RPTOR: variants seen among roughly 807,000 people sequenced by gnomAD.
RPTOR encodes the protein regulatory-associated protein of mTOR.
RPTOR carries 21 observed loss-of-function variants against 169.9 expected under a neutral mutation model. That is an observed-to-expected ratio of 0.12 (90% CI 0.09 to 0.18). The LOEUF (loss-of-function observed/expected upper bound fraction) is 0.18. RPTOR is among the 10% of genes least tolerant of loss of function. The probability of loss-of-function intolerance (pLI) is 1.00; values close to 1 mark genes in which losing one functional copy is unlikely to be tolerated. For synonymous variants in RPTOR, 732 were observed against 753.2 expected, an observed-to-expected ratio of 0.97 and a Z score of 0.46; for missense variants, 1,133 against 1,855.9, an observed-to-expected ratio of 0.61 and a Z score of 7.16.
intron 1 of RPTOR, among the ~76,000 whole-genome samples, chr17:80,623,604 C>T (rs760304747): frequency 7.2e-5 from 11 of 152,052 alleles, no homozygotes; most frequent in South Asian, 2.1e-4. Flanking sequence ...GGTACCGTCT[C>T]GGCTCACTGC....
At chr17:80,686,187 CT>C (rs3074397) in intron 3 of RPTOR, among the ~76,000 whole-genome samples, 10,671 of 135,740 alleles carry the variant, frequency 0.079, 327 homozygotes, top group African/African-American at 0.094. Flanking sequence ...TTCATAACAA[CT>C]TTTTTTTTTT....
intron 24 of RPTOR, among the ~76,000 whole-genome samples, chr17:80,931,884 G>A (rs988152553): frequency 2.8e-5 from 4 of 141,202 alleles, no homozygotes; most frequent in Admixed American, 2.8e-4. Context: ...GGGCACAGGA[G>A]CATAGAGAGA....
intron 1 of RPTOR, among the ~76,000 whole-genome samples, chr17:80,569,930 C>G (rs928830713): frequency 3.9e-5 from 6 of 152,114 alleles, no homozygotes; most frequent in African/African-American, 1.4e-4. Flanking sequence ...CTTCTCCTGC[C>G]CCTGTGGCTG....
intron 20 of RPTOR, among the ~76,000 whole-genome samples, chr17:80,906,863 G>A (rs775076584): frequency 5.3e-5 from 8 of 152,062 alleles, no homozygotes; most frequent in Non-Finnish European, 1.0e-4. Flanking sequence ...TCCTCATGGG[G>A]GCCTCTTCAG....
In RPTOR at chr17:80,662,260, A is replaced by G. The variant is rs565037937; in HGVS notation, c.348+18450A>G. ...CTATCACCAGAGGCTAGTTTTGCCCATGGAACTGAACGCCCCGATGAGTTC... is the reference window on the plus strand; with the variant it reads ...CTATCACCAGAGGCTAGTTTTGCCCGTGGAACTGAACGCCCCGATGAGTTC... On this transcript the variant is annotated intron_variant, in intron 3 of 33. Coordinates refer to ENST00000306801, the MANE Select transcript of RPTOR (RefSeq NM_020761.3). Among the ~76,000 whole-genome samples, 7 of 152,296 alleles carry G rather than the reference A, an allele frequency of 4.6e-5. No individual in the cohort carries two copies. The East Asian group carries it at 7.7e-4, about 17-fold the overall frequency.
intron 7 of RPTOR, among the ~76,000 whole-genome samples, chr17:80,813,570 C>G (rs2067294271): frequency 6.6e-6 from 1 of 152,194 alleles, no homozygotes. Context: ...AACCACTGGT[C>G]TGAGATAGAC....
chr17:80,667,063 C>T lies in RPTOR; in HGVS notation c.348+23253C>T, dbSNP rs1180116603. Among the ~76,000 whole-genome samples, 4 of 152,302 alleles carry T rather than the reference C, an allele frequency of 2.6e-5. No homozygotes were observed. In the East Asian group the frequency reaches 7.7e-4, roughly 29 times the overall value. On this transcript the variant is annotated intron_variant, in intron 3 of 33. Coordinates refer to ENST00000306801, the MANE Select transcript of RPTOR (RefSeq NM_020761.3). ...ATCAGGGCCTGGATTTTCCCAATAA[C>T]CCCGGGAGGAAGGCGTTCCCGTCTC...
At chr17:80,671,497 AG>A (rs1177968070) in intron 3 of RPTOR, among the ~76,000 whole-genome samples, 1 of 152,202 alleles carries the variant, frequency 6.6e-6, no homozygotes, top group Non-Finnish European at 1.5e-5. Flanking sequence ...AGAATACTGC[AG>A]GCACAAGTCA....
chr17:80,887,385 G>C (rs1205082620), intron 17 of RPTOR, among the ~76,000 whole-genome samples: 4 of 139,720 alleles, frequency 2.9e-5, no homozygotes, highest in South Asian at 2.7e-4. Flanking sequence ...TGACTCTTGG[G>C]GGGGGTGCTG....
At chr17:80,626,229 T>C (rs2065393104) in intron 2 of RPTOR, among the ~76,000 whole-genome samples, 1 of 151,996 alleles carries the variant, frequency 6.6e-6, no homozygotes, top group Non-Finnish European at 1.5e-5. Context: ...ATTGTTGTAT[T>C]TTTAGTAGAG....
rs1281584033 is a variant in RPTOR, at chr17:80,721,328, G to A, written c.508-9232G>A. Reference sequence around the variant, plus strand: ...GTGAGTCATTGAGGCTCCTGGACGCGGCGGAAGTGCAAGCGGGAAAAAGGA... The same window carrying A: ...GTGAGTCATTGAGGCTCCTGGACGCAGCGGAAGTGCAAGCGGGAAAAAGGA... On this transcript the variant is annotated intron_variant, in intron 4 of 33. Transcript: ENST00000306801. The surrounding 1 kb of genome is among the most constrained non-coding windows in gnomAD (Gnocchi z 4.7). Among the ~76,000 whole-genome samples, 1 of 151,392 alleles carries A rather than the reference G, an allele frequency of 6.6e-6. No homozygotes were observed. Among genetic ancestry groups the A allele is most frequent in the Admixed American group, 6.6e-5 (1 of 15,254 alleles).
At chr17:80,615,455 A>G (rs2065302466) in intron 1 of RPTOR, among the ~76,000 whole-genome samples, 1 of 152,238 alleles carries the variant, frequency 6.6e-6, no homozygotes. Flanking sequence ...GAACCGTAGC[A>G]TAAGAAATTG....
chr17:80,711,399 G>A (rs1052927721), intron 4 of RPTOR, among the ~76,000 whole-genome samples: 1 of 152,028 alleles, frequency 6.6e-6, no homozygotes, highest in Non-Finnish European at 1.5e-5. Flanking sequence ...CCATTTGAAA[G>A]ATGCAGACAT....
intron 20 of RPTOR, among the ~76,000 whole-genome samples, chr17:80,901,320 C>T (rs576528776): frequency 2.0e-4 from 31 of 152,230 alleles, no homozygotes; most frequent in Non-Finnish European, 4.0e-4. Context: ...TCTTTTCTGT[C>T]TTCTCGAAGG....
intron 4 of RPTOR, chr17:80,709,084 T>C (rs2143100841): frequency 3.0e-6 from 3 of 985,494 alleles, no homozygotes; most frequent in East Asian, 1.1e-4. Context: ...CCCTGGACAC[T>C]GAGGAGTAGC....
intron 2 of RPTOR, among the ~76,000 whole-genome samples, chr17:80,626,636 A>G (rs1016976184): frequency 6.6e-6 from 1 of 151,672 alleles, no homozygotes; most frequent in Non-Finnish European, 1.5e-5. Flanking sequence ...GCTGAGGAAC[A>G]TGAGACATAG....
At chr17:80,661,428 G>C (rs2065723118) in intron 3 of RPTOR, among the ~76,000 whole-genome samples, 1 of 152,154 alleles carries the variant, frequency 6.6e-6, no homozygotes, top group Non-Finnish European at 1.5e-5. Context: ...GGGAGCCCCA[G>C]GACTCACTCT....
chr17:80,621,874 C>A (rs901062), intron 1 of RPTOR, among the ~76,000 whole-genome samples: 5 of 152,050 alleles, frequency 3.3e-5, no homozygotes, highest in African/African-American at 4.8e-5. Flanking sequence ...CTGGGGCGCA[C>A]GGAGCATGTG....
intron 1 of RPTOR, among the ~76,000 whole-genome samples, chr17:80,624,581 C>T (rs112452663): frequency 8.8e-4 from 134 of 152,232 alleles, no homozygotes; most frequent in African/African-American, 2.9e-3. Context: ...AATTTGATTA[C>T]CCAGAAATAG....
Sources: gnomAD v4.1 joint callset for allele counts (sites outside exome capture counted in the v4.1 genomes callset) on GRCh38, gnomAD v4.1.1 for gene constraint, Gnocchi (gnomAD v3.1) non-coding constraint, MANE v1.5 for transcripts, NCBI Gene and HGNC (gene_info 2026-07-23, HGNC 2026-07-21) for gene names.